Variants in COL8A1 observed in about 807,000 individuals in gnomAD.
The protein encoded by COL8A1 is collagen alpha-1(VIII) chain.
COL8A1 carries 21 observed loss-of-function variants against 42.7 expected under a neutral mutation model. The ratio of observed to expected loss-of-function variants is 0.49; its 90% CI spans 0.35 to 0.71. COL8A1 has a LOEUF of 0.71. Ranked by LOEUF, COL8A1 falls within the 30% of genes least tolerant of loss-of-function variation. The pLI, the probability that COL8A1 is intolerant of heterozygous loss-of-function variation, is 0.01. For synonymous variants in COL8A1, 367 were observed against 369.1 expected, an observed-to-expected ratio of 0.99 and a Z score of 0.06; for missense variants, 788 against 962.4, an observed-to-expected ratio of 0.82 and a Z score of 2.40.
intron 2 of COL8A1, among the ~76,000 whole-genome samples, chr3:99,762,976 G>A (rs933450187): frequency 2.0e-5 from 3 of 152,172 alleles, no homozygotes; most frequent in South Asian, 4.1e-4. Context: ...TTAACTGCAC[G>A]CTTTTCATTC....
Position 99,750,764 on chromosome 3 carries a change from T to C in COL8A1, c.-4+5743T>C, listed in dbSNP as rs558368091. Reference sequence around the variant, plus strand: ...TTTTCAAGATTTTCTTGAGAAAGCATTTCACCTGCAGCTATGAACATGAGT... The same window carrying C: ...TTTTCAAGATTTTCTTGAGAAAGCACTTCACCTGCAGCTATGAACATGAGT... On this transcript the variant is annotated intron_variant, in intron 2 of 3. Transcript: ENST00000652472. Among the ~76,000 whole-genome samples the C allele has an allele frequency of 9.8e-5, 15 of 152,344 alleles. No homozygotes were observed. In the South Asian group the frequency reaches 2.9e-3, roughly 29 times the overall value.
rs143671099 is a variant in COL8A1 at position 99,688,475 on chromosome 3, T to C, written c.-129+49811T>C. 2.3e-3 allele frequency among the ~76,000 whole-genome samples: 345 copies of C among 152,204 alleles called. 1 individual carries two copies. Among genetic ancestry groups the C allele is most frequent in the African/African-American group, 8.0e-3 (333 of 41,530 alleles). On this transcript the variant is annotated intron_variant, in intron 1 of 3. Transcript: ENST00000652472. ...CTTCCTTTCTGACTTTTACCCTCCC[T>C]CTATAAGAACCCTGGTGATCAGATT...
At chr3:99,647,614 A>G (rs1937688988) in intron 1 of COL8A1, among the ~76,000 whole-genome samples, 1 of 152,262 alleles carries the variant, frequency 6.6e-6, no homozygotes, top group Non-Finnish European at 1.5e-5. Flanking sequence ...GCGGCCAACA[A>G]TGAGCAATAA....
At chr3:99,740,394 T>C (rs1940865351) in intron 1 of COL8A1, among the ~76,000 whole-genome samples, 1 of 152,150 alleles carries the variant, frequency 6.6e-6, no homozygotes, top group Non-Finnish European at 1.5e-5. Flanking sequence ...GGGTAATATA[T>C]AAAGGCAAGA....
chr3:99,796,355 T>C lies in COL8A1; in HGVS notation c.*219T>C. ...AATTGCGAATGATGGGATAGAGTTA[T>C]GTATCAAGTACTGACACTTGGTTGT... is the stretch of plus-strand genomic sequence containing the variant. On this transcript the variant is annotated 3_prime_UTR_variant, in exon 4 of 4. Transcript: ENST00000652472. 2.3e-6 allele frequency: 1 copy of C among 433,504 alleles called. No homozygotes were observed. Among genetic ancestry groups the C allele is most frequent in the Non-Finnish European group, 4.1e-6 (1 of 244,280 alleles). The allele number at this position is 433,504 out of a possible 1,614,324, so 26.9% of individuals were successfully genotyped here. A position where few individuals can be genotyped will look rare whatever the true frequency, so the allele number is the denominator to read the frequency against.
chr3:99,684,092 AATCCC>A (rs1440273886), intron 1 of COL8A1, among the ~76,000 whole-genome samples: 1 of 152,110 alleles, frequency 6.6e-6, no homozygotes, highest in Non-Finnish European at 1.5e-5. Context: ...TCGGGTCTGA[AATCCC>A]ATGATGTTCT....
At chr3:99,708,510 C>T (rs1332372209) in intron 1 of COL8A1, among the ~76,000 whole-genome samples, 4 of 151,972 alleles carry the variant, frequency 2.6e-5, no homozygotes, top group Admixed American at 2.0e-4. Context: ...ACCTTCCACC[C>T]GAGGCTGGAG....
rs1942106245 is a variant in COL8A1 at position 99,796,203 on chromosome 3, C to A, written c.*67C>A. On this transcript the variant is annotated 3_prime_UTR_variant, in exon 4 of 4. Transcript: ENST00000652472. The stretch of plus-strand genomic sequence containing the variant: ...AGAAGAAAATGACACACCAAAAAAT[C>A]CAAATGAAAAACATAATTGCTTCAA... The A allele has an allele frequency of 7.8e-7, 1 of 1,274,716 alleles. No individual in the cohort carries two copies. Among genetic ancestry groups the A allele is most frequent in the Non-Finnish European group, 1.0e-6 (1 of 962,172 alleles). The allele number at this position is 1,274,716 out of a possible 1,614,324, so 79.0% of individuals were successfully genotyped here.
At chr3:99,683,590 C>T (rs532494385) in intron 1 of COL8A1, among the ~76,000 whole-genome samples, 2 of 151,898 alleles carry the variant, frequency 1.3e-5, no homozygotes, top group East Asian at 1.9e-4. Flanking sequence ...TTGAGGGACA[C>T]GATAAATTTT....
At chr3:99,773,323 A>C (rs1274006169) in intron 2 of COL8A1, among the ~76,000 whole-genome samples, 1 of 152,288 alleles carries the variant, frequency 6.6e-6, no homozygotes, top group East Asian at 1.9e-4. Context: ...TCCACGTCAT[A>C]GTGAGCAGGC....
At chr3:99,639,705 A>G (rs1039468347) in intron 1 of COL8A1, among the ~76,000 whole-genome samples, 1 of 152,246 alleles carries the variant, frequency 6.6e-6, no homozygotes, top group Non-Finnish European at 1.5e-5. Flanking sequence ...CACTTGGTCC[A>G]TGAAGTTTGC....
At chr3:99,776,228 A>G (rs1051990495) in intron 2 of COL8A1, among the ~76,000 whole-genome samples, 9 of 152,198 alleles carry the variant, frequency 5.9e-5, no homozygotes, top group Admixed American at 5.9e-4. Context: ...GGACTCAGAA[A>G]CCTGGGAAAG....
intron 1 of COL8A1, among the ~76,000 whole-genome samples, chr3:99,665,524 A>G (rs1576420548): frequency 6.6e-6 from 1 of 152,104 alleles, no homozygotes; most frequent in Non-Finnish European, 1.5e-5. Context: ...ACACACACCA[A>G]TTTCAGTGCA....
At chr3:99,657,299 A>T (rs535108836) in intron 1 of COL8A1, among the ~76,000 whole-genome samples, 16 of 152,286 alleles carry the variant, frequency 1.1e-4, no homozygotes, top group African/African-American at 3.8e-4. Context: ...CTAGTGTACT[A>T]AGGGCTTTCA....
intron 2 of COL8A1, among the ~76,000 whole-genome samples, chr3:99,773,837 A>ATATATATATATATTTTTT (rs1200212756): frequency 6.6e-5 from 3 of 45,400 alleles, no homozygotes; most frequent in African/African-American, 3.8e-4. Context: ...ATATATATAT[A>ATATATATATATATTTTTT]TTTTTTTTTT....
chr3:99,690,449 A>T (rs1320065689), intron 1 of COL8A1, among the ~76,000 whole-genome samples: 1 of 152,192 alleles, frequency 6.6e-6, no homozygotes, highest in Non-Finnish European at 1.5e-5. Flanking sequence ...GGTGGGAACA[A>T]ATTCTAGGGT....
intron 2 of COL8A1, among the ~76,000 whole-genome samples, chr3:99,772,495 T>C (rs1280999472): frequency 6.6e-6 from 1 of 152,126 alleles, no homozygotes; most frequent in Non-Finnish European, 1.5e-5. Flanking sequence ...TCATTTGCAA[T>C]AAATGCAACA....
At chr3:99,638,806 G>A (rs532933580) in intron 1 of COL8A1, 142 bp downstream of exon 1, 2 of 152,288 alleles carry the variant, frequency 1.3e-5, no homozygotes, top group African/African-American at 2.4e-5. Flanking sequence ...CTAGCAACTG[G>A]TTTGAAAACA....
chr3:99,648,773 G>A (rs1250879765), intron 1 of COL8A1, among the ~76,000 whole-genome samples: 4 of 152,116 alleles, frequency 2.6e-5, no homozygotes, highest in African/African-American at 9.7e-5. Flanking sequence ...CTTGTATCTA[G>A]CTCCCCAGAT....
Sources: allele counts gnomAD v4.1 joint callset (sites outside exome capture counted in the v4.1 genomes callset), GRCh38; gene constraint gnomAD v4.1.1; transcripts MANE v1.5; gene names NCBI Gene and HGNC (gene_info 2026-07-23, HGNC 2026-07-21).